The following SRD5A1 variants were observed in gnomAD, a reference collection of about 807,000 sequenced individuals.
The protein encoded by SRD5A1 is steroid 5 alpha-reductase 1.
A neutral mutation model predicts 28.2 loss-of-function variants in SRD5A1; 22 were observed. The ratio of observed to expected loss-of-function variants is 0.78; its 90% CI spans 0.56 to 1.12. The LOEUF is 1.12. SRD5A1 is among the 50% of genes most tolerant of loss of function. SRD5A1 has a pLI of 0.00. For missense variants in SRD5A1, 300 were observed against 346.7 expected, an observed-to-expected ratio of 0.87 and a Z score of 1.07; for synonymous variants, 151 against 135.0, an observed-to-expected ratio of 1.12 and a Z score of -0.82.
chr5:6,644,048 T>C (rs1288703092), intron 1 of SRD5A1, among the ~76,000 whole-genome samples: 1 of 152,204 alleles, frequency 6.6e-6, no homozygotes, highest in East Asian at 1.9e-4. Context: ...GTTCGCTGGA[T>C]GTGATTCTGA....
At chr5:6,668,075 A>G in intron 4 of SRD5A1, 127 bp from the exon 5 acceptor site, 2 of 554,002 alleles carry the variant, frequency 3.6e-6, no homozygotes, top group East Asian at 3.2e-5. Flanking sequence ...ATGAAATGCC[A>G]AAGTTTTTGT....
intron 2 of SRD5A1, among the ~76,000 whole-genome samples, chr5:6,652,521 A>T (rs1738709111): frequency 6.6e-6 from 1 of 152,148 alleles, no homozygotes; most frequent in African/African-American, 2.4e-5. Context: ...TAACTTTTTA[A>T]GTTCTAAGCA....
intron 1 of SRD5A1, among the ~76,000 whole-genome samples, chr5:6,636,147 C>A (rs1269190188): frequency 6.6e-6 from 1 of 151,254 alleles, no homozygotes; most frequent in Non-Finnish European, 1.5e-5. Flanking sequence ...TTTACATTTT[C>A]CAAATAGAAA....
At chr5:6,664,611 G>T (rs1264221863) in intron 4 of SRD5A1, among the ~76,000 whole-genome samples, 6 of 152,140 alleles carry the variant, frequency 3.9e-5, no homozygotes, top group Non-Finnish European at 8.8e-5. Flanking sequence ...TCACTATATT[G>T]CCCAAGCTGG....
chr5:6,646,886 C>T (rs1416856524), intron 1 of SRD5A1, among the ~76,000 whole-genome samples: 1 of 152,128 alleles, frequency 6.6e-6, no homozygotes, highest in Non-Finnish European at 1.5e-5. Context: ...GATTTTAGAT[C>T]TTTCCTGCTT....
intron 4 of SRD5A1, among the ~76,000 whole-genome samples, chr5:6,665,931 TG>T (rs1352574631): frequency 3.3e-5 from 5 of 152,392 alleles, no homozygotes; most frequent in African/African-American, 1.2e-4. Context: ...ATTCATTTGC[TG>T]TTTAAATTGG....
intron 1 of SRD5A1, among the ~76,000 whole-genome samples, chr5:6,639,730 T>C (rs540409969): frequency 6.6e-6 from 1 of 152,352 alleles, no homozygotes; most frequent in African/African-American, 2.4e-5. Flanking sequence ...TCTCATTCTG[T>C]CTGTTCTGAA....
Position 6,645,086 on chromosome 5 carries a change from C to T in SRD5A1, c.294-6756C>T, listed in dbSNP as rs551701912. The T allele has an allele frequency of 3.9e-5, 17 of 432,864 alleles. No homozygotes were observed. In the East Asian group the frequency reaches 1.2e-3, roughly 31 times the overall value. The allele number at this position is 432,864 out of a possible 1,614,324, so 26.8% of individuals were successfully genotyped here. ...GGTCCTGGCCTGAATGAGATGAGAA[C>T]CTTGGAGGCTGCTTTTGACTCATGT... On this transcript the variant is annotated intron_variant, in intron 1 of 4. Transcript: ENST00000274192.
rs1418360754 is a variant in SRD5A1 at position 6,674,170 on chromosome 5, T to C, written c.*5902T>C. 6.6e-6 allele frequency: 1 copy of C among 150,654 alleles called. No homozygotes were observed. Among genetic ancestry groups the C allele is most frequent in the Non-Finnish European group, 1.5e-5 (1 of 67,990 alleles). 9.3% of individuals were successfully genotyped at this position (150,654 alleles called of 1,614,324 possible). A position where few individuals can be genotyped will look rare whatever the true frequency, so the allele number is the denominator to read the frequency against. ...CATTATTATCTAAAATGTTATTTAA[T>C]TATTAAATTTAGATGCTACTTAATT... On this transcript the variant is annotated 3_prime_UTR_variant, in exon 5 of 5. Coordinates refer to ENST00000274192, the MANE Select transcript of SRD5A1 (RefSeq NM_001047.4).
chr5:6,642,517 A>G (rs1338857850), intron 1 of SRD5A1, among the ~76,000 whole-genome samples: 2 of 152,218 alleles, frequency 1.3e-5, no homozygotes, highest in African/African-American at 4.8e-5. Flanking sequence ...CTGCAAACTC[A>G]TGTGAGCATG....
At chr5:6,639,888 C>T (rs752424617) in intron 1 of SRD5A1, among the ~76,000 whole-genome samples, 7 of 152,092 alleles carry the variant, frequency 4.6e-5, no homozygotes, top group Non-Finnish European at 7.4e-5. Context: ...ATAAAACTGA[C>T]GATATTGTGG....
At chr5:6,637,238 C>T (rs1738211742) in intron 1 of SRD5A1, among the ~76,000 whole-genome samples, 1 of 152,122 alleles carries the variant, frequency 6.6e-6, no homozygotes, top group African/African-American at 2.4e-5. Flanking sequence ...CCTGTGCCTA[C>T]TCCTATCACC....
chr5:6,645,966 G>T (rs190856543), intron 1 of SRD5A1, among the ~76,000 whole-genome samples: 1 of 152,154 alleles, frequency 6.6e-6, no homozygotes, highest in Non-Finnish European at 1.5e-5. Context: ...TCTGCATTAG[G>T]TATTTCTCCT....
At chr5:6,667,116 G>A (rs1739208643) in intron 4 of SRD5A1, among the ~76,000 whole-genome samples, 1 of 152,222 alleles carries the variant, frequency 6.6e-6, no homozygotes, top group Non-Finnish European at 1.5e-5. Flanking sequence ...CACTTTCGCA[G>A]GTTTGACACC....
At chr5:6,634,004 C>A in intron 1 of SRD5A1, 135 bp downstream of exon 1, 1 of 933,784 alleles carries the variant, frequency 1.1e-6, no homozygotes, top group South Asian at 1.5e-5. Context: ...TCCCCCGGGG[C>A]GTCCCCCATC....
In SRD5A1 at chr5:6,668,194, T is replaced by A; in HGVS notation, c.714-8T>A. ...GAATTATTTCCTTTTTTAATTTTTTTTTCTTAGGTGGTACCTCCGGAAATT... is the reference window on the plus strand; with the variant it reads ...GAATTATTTCCTTTTTTAATTTTTTATTCTTAGGTGGTACCTCCGGAAATT... On this transcript the variant is annotated splice_region_variant and splice_polypyrimidine_tract_variant and intron_variant, in intron 4 of 4. Coordinates refer to ENST00000274192, the MANE Select transcript of SRD5A1 (RefSeq NM_001047.4). 1 of 1,538,012 alleles carries A rather than the reference T, an allele frequency of 6.5e-7. No homozygotes were observed. Among genetic ancestry groups the A allele is most frequent in the South Asian group, 1.2e-5 (1 of 81,998 alleles).
intron 1 of SRD5A1, among the ~76,000 whole-genome samples, chr5:6,634,404 G>A (rs1437966855): frequency 1.5e-5 from 2 of 135,892 alleles, no homozygotes; most frequent in Non-Finnish European, 3.1e-5. Context: ...TGTTCCCTTA[G>A]ATCACGACTG....
intron 1 of SRD5A1, among the ~76,000 whole-genome samples, chr5:6,648,613 T>G (rs75383934): frequency 0.023 from 3,578 of 152,352 alleles, 58 homozygotes; most frequent in Non-Finnish European, 0.027. Context: ...AGCTGCATCA[T>G]GTCTTCACCT....
intron 1 of SRD5A1, among the ~76,000 whole-genome samples, chr5:6,650,490 T>A (rs1738637892): frequency 6.6e-6 from 1 of 152,158 alleles, no homozygotes; most frequent in Admixed American, 6.6e-5. Flanking sequence ...TTCAATGTGT[T>A]ATACACTTAT....
Sources: allele counts gnomAD v4.1 joint callset (sites outside exome capture counted in the v4.1 genomes callset), GRCh38; gene constraint gnomAD v4.1.1; transcripts MANE v1.5; gene names NCBI Gene and HGNC (gene_info 2026-07-23, HGNC 2026-07-21).